Variants in TAS2R1 observed in about 807,000 individuals in gnomAD.
TAS2R1 encodes the protein taste 2 receptor member 1.
For synonymous variants in TAS2R1, 141 were observed against 134.2 expected (o/e 1.05, Z -0.35); for missense variants, 370 against 353.4 (o/e 1.05, Z -0.38).
chr5:9,868,747 T>G, the TAS2R1 span, among the ~76,000 whole-genome samples: 9,730 of 152,326 alleles, frequency 0.064, 380 homozygotes, highest in African/African-American at 0.078. Flanking sequence ...CTGCAAAATT[T>G]CCAAACCTTT....
the TAS2R1 span, among the ~76,000 whole-genome samples, chr5:9,813,658 T>C: frequency 6.6e-6 from 1 of 152,248 alleles, no homozygotes; most frequent in African/African-American, 2.4e-5. Flanking sequence ...CCTTAGCCTG[T>C]ATTCTAACTG....
chr5:9,670,161 T>C (rs1453272120), intron 1 of TAS2R1, among the ~76,000 whole-genome samples: 1 of 152,088 alleles, frequency 6.6e-6, no homozygotes, highest in Non-Finnish European at 1.5e-5. Flanking sequence ...AGGAAATAGA[T>C]AAACTCCTGC....
the TAS2R1 span, among the ~76,000 whole-genome samples, chr5:9,764,317 A>C: frequency 1.3e-5 from 2 of 152,210 alleles, no homozygotes; most frequent in Non-Finnish European, 2.9e-5. Flanking sequence ...TGTAACACTC[A>C]GTTCTATAAA....
At chr5:9,791,066 A>G in the TAS2R1 span, among the ~76,000 whole-genome samples, 1 of 152,184 alleles carries the variant, frequency 6.6e-6, no homozygotes, top group East Asian at 1.9e-4. Flanking sequence ...TTGAGCCCCA[A>G]CCAAGACTCT....
the TAS2R1 span, among the ~76,000 whole-genome samples, chr5:9,791,861 G>A: frequency 1.5e-3 from 232 of 152,290 alleles, 2 homozygotes; most frequent in Middle Eastern, 6.8e-3. Flanking sequence ...GCAGATAGAA[G>A]GTCCATTTGT....
chr5:9,790,806 T>C, the TAS2R1 span, among the ~76,000 whole-genome samples: 1 of 152,136 alleles, frequency 6.6e-6, no homozygotes, highest in Admixed American at 6.5e-5. Context: ...TTTTTTTTTG[T>C]ATTTTTAGTA....
At chr5:9,818,760 G>A in the TAS2R1 span, among the ~76,000 whole-genome samples, 29 of 152,198 alleles carry the variant, frequency 1.9e-4, no homozygotes, top group Non-Finnish European at 1.8e-4. Flanking sequence ...CAAGGGGTGG[G>A]GAAATAGGCC....
Position 9,628,998 on chromosome 5 carries a change from T to C in TAS2R1, c.*135A>G. The C allele has an allele frequency of 2.2e-6, 2 of 910,066 alleles. No homozygotes were observed. Among genetic ancestry groups the C allele is most frequent in the Non-Finnish European group, 3.1e-6 (2 of 639,082 alleles). The allele number at this position is 910,066 out of a possible 1,614,324, so 56.4% of individuals were successfully genotyped here. On this transcript the variant is annotated 3_prime_UTR_variant, in exon 1 of 1. Coordinates refer to ENST00000382492, the MANE Select transcript of TAS2R1 (RefSeq NM_019599.3). Reference sequence around the variant, plus strand: ...AAAGTAGCATATCCACAGAAATACCTCAGGCTGGATAAACAGGCCTGAAGG... The same window carrying C: ...AAAGTAGCATATCCACAGAAATACCCCAGGCTGGATAAACAGGCCTGAAGG...
chr5:9,693,416 C>G (rs186369185), intron 1 of TAS2R1, among the ~76,000 whole-genome samples: 1 of 148,950 alleles, frequency 6.7e-6, no homozygotes. Flanking sequence ...CCCAGCTACT[C>G]GGGAAGCTGA....
intron 1 of TAS2R1, among the ~76,000 whole-genome samples, chr5:9,678,216 C>A (rs1368018220): frequency 1.3e-5 from 2 of 152,036 alleles, no homozygotes; most frequent in South Asian, 4.2e-4. Context: ...GAATGCAAAT[C>A]AAAACCACAG....
the TAS2R1 span, among the ~76,000 whole-genome samples, chr5:9,816,532 C>CG: frequency 6.6e-6 from 1 of 151,030 alleles, no homozygotes; most frequent in South Asian, 2.1e-4. Flanking sequence ...AAATCTATTG[C>CG]TTTTTTTTTC....
chr5:9,694,746 G>C (rs1235477636), intron 1 of TAS2R1, among the ~76,000 whole-genome samples: 1 of 152,164 alleles, frequency 6.6e-6, no homozygotes, highest in African/African-American at 2.4e-5. Context: ...AATAACTGTT[G>C]AAACAATTCC....
the TAS2R1 span, among the ~76,000 whole-genome samples, chr5:9,793,215 G>A: frequency 6.6e-5 from 10 of 152,174 alleles, no homozygotes; most frequent in East Asian, 5.8e-4. Context: ...TTCCTGGAGG[G>A]GGAGGAATTA....
chr5:9,806,355 A>G, the TAS2R1 span, among the ~76,000 whole-genome samples: 1 of 152,110 alleles, frequency 6.6e-6, no homozygotes, highest in African/African-American at 2.4e-5. Context: ...TGCAATTTCC[A>G]TCAAAATATC....
At chr5:9,832,892 G>C in the TAS2R1 span, among the ~76,000 whole-genome samples, 1 of 152,224 alleles carries the variant, frequency 6.6e-6, no homozygotes, top group Admixed American at 6.5e-5. Context: ...AGGAGGTCCT[G>C]ATGACATGTG....
At chr5:9,725,188 C>A in the TAS2R1 span, among the ~76,000 whole-genome samples, 1 of 152,258 alleles carries the variant, frequency 6.6e-6, no homozygotes, top group African/African-American at 2.4e-5. Context: ...GGCGCCTCCT[C>A]TGCTTGGGCT....
At chr5:9,687,656 G>A (rs1273777490) in intron 1 of TAS2R1, among the ~76,000 whole-genome samples, 1 of 151,812 alleles carries the variant, frequency 6.6e-6, no homozygotes, top group Non-Finnish European at 1.5e-5. Context: ...TCCCGTCAGA[G>A]GAAAGAAGAT....
At chr5:9,865,731 T>C in the TAS2R1 span, among the ~76,000 whole-genome samples, 1 of 152,260 alleles carries the variant, frequency 6.6e-6, no homozygotes, top group Non-Finnish European at 1.5e-5. Flanking sequence ...TCAATTGTGT[T>C]TTGACTCTCA....
At chr5:9,695,810 G>T (rs1443218392) in intron 1 of TAS2R1, among the ~76,000 whole-genome samples, 1 of 152,166 alleles carries the variant, frequency 6.6e-6, no homozygotes, top group Non-Finnish European at 1.5e-5. Flanking sequence ...GAGCCTGAGA[G>T]GCAGGAGAAG....
Sources: gnomAD v4.1 joint callset for allele counts (sites outside exome capture counted in the v4.1 genomes callset) on GRCh38, gnomAD v4.1.1 for gene constraint, MANE v1.5 for transcripts, NCBI Gene and HGNC (gene_info 2026-07-23, HGNC 2026-07-21) for gene names.